The following ZNF469 variants were observed in gnomAD, a reference collection of about 807,000 sequenced individuals.
ZNF469 encodes the protein zinc finger protein 469.
ZNF469 carries 1 observed loss-of-function variant against 1.0 expected under a neutral mutation model. The observed-to-expected ratio is 1.00, with a 90% CI of 0.35 to 4.73. ZNF469 has a LOEUF of 4.73. Among genes scored for constraint, ZNF469 ranks in the 30% most tolerant of loss-of-function variants. ZNF469 has a pLI of 0.16. For synonymous variants in ZNF469, 2,703 were observed against 2,363.4 expected (o/e 1.14, Z -4.17); for missense variants, 6,100 against 5,356.3 (o/e 1.14, Z -4.33).
chr16:88,226,952 G>T, the ZNF469 span, among the ~76,000 whole-genome samples: 83 of 151,946 alleles, frequency 5.5e-4, 1 homozygote, highest in African/African-American at 1.9e-3. Flanking sequence ...AATGCCCTGC[G>T]CGTTTCCACC....
chr16:88,165,023 G>A, the ZNF469 span, among the ~76,000 whole-genome samples: 3 of 152,356 alleles, frequency 2.0e-5, no homozygotes, highest in African/African-American at 7.2e-5. Flanking sequence ...CACAGGTGGT[G>A]TGCCCCTCCA....
chr16:88,143,957 C>T, the ZNF469 span, among the ~76,000 whole-genome samples: 1 of 152,306 alleles, frequency 6.6e-6, no homozygotes, highest in Non-Finnish European at 1.5e-5. Flanking sequence ...CTCTGGGCCT[C>T]CCATCTGCCC....
chr16:88,339,947 CT>C, the ZNF469 span, among the ~76,000 whole-genome samples: 1 of 152,020 alleles, frequency 6.6e-6, no homozygotes, highest in Non-Finnish European at 1.5e-5. Flanking sequence ...CGGGCCACCC[CT>C]GCAGAGGGGA....
At chr16:88,165,673 C>G in the ZNF469 span, among the ~76,000 whole-genome samples, 127,815 of 152,128 alleles carry the variant, frequency 0.84, 56,299 homozygotes, top group Non-Finnish European at 0.98. Context: ...GTACAGTTCT[C>G]TGGGACTCAG....
In ZNF469 at chr16:88,430,258, G is replaced by A; in HGVS notation, c.2788G>A (p.Gly930Ser). ...AGGCAGGCCCAAAACGCGTTCCCTG[G>A]GTCTGGCCCCCACCGAGGCGGATGC... ...ARGRPKTRSL[G>S]LAPTEADAPS... The change falls in exon 3 of 3, where the codon GGT (glycine) becomes AGT (serine). Residue 930 changes from glycine to serine, a missense_variant. Gly to Ser is a moderately conservative substitution (Grantham distance 56). Transcript: ENST00000565624. The A allele has an allele frequency of 1.3e-6, 2 of 1,522,688 alleles. No individual in the cohort carries two copies. Among genetic ancestry groups the A allele is most frequent in the Non-Finnish European group, 8.8e-7 (1 of 1,135,312 alleles). 94.3% of individuals were successfully genotyped at this position (1,522,688 alleles called of 1,614,324 possible).
rs138954293 is a variant in ZNF469, at chr16:88,427,609, G to A, written c.139G>A (p.Gly47Ser). 3.3e-4 allele frequency: 509 copies of A among 1,537,272 alleles called. No homozygotes were observed. The African/African-American group carries it at 6.1e-3, about 18-fold the overall frequency. Residue 47 changes from glycine to serine, a missense_variant, in exon 3 of 3, where the codon GGT (glycine) becomes AGT (serine). By Grantham distance (56) the Gly-to-Ser change is moderately conservative (BLOSUM62 0). Transcript: ENST00000565624. ...CACCCCAGCTACCAGGACCACCAAG[G>A]GTGCCAGGGAGGCTGGCGGCCAGGC... ...DNTPATRTTK[G>S]AREAGGQAQA...
At chr16:88,369,958 C>T in the ZNF469 span, among the ~76,000 whole-genome samples, 484 of 152,366 alleles carry the variant, frequency 3.2e-3, 6 homozygotes, top group African/African-American at 0.011. Flanking sequence ...GCTGAGGCCA[C>T]TGCTTTTAAT....
the ZNF469 span, among the ~76,000 whole-genome samples, chr16:88,311,444 A>G: frequency 6.6e-6 from 1 of 152,206 alleles, no homozygotes; most frequent in Non-Finnish European, 1.5e-5. Context: ...AAAGCCCATG[A>G]CTGTTTCTGC....
At chr16:88,334,568 G>T in the ZNF469 span, among the ~76,000 whole-genome samples, 10 of 152,212 alleles carry the variant, frequency 6.6e-5, no homozygotes, top group Non-Finnish European at 1.0e-4. Context: ...AGCCGGGAGT[G>T]ATTCATCTGT....
the ZNF469 span, among the ~76,000 whole-genome samples, chr16:88,319,003 C>CAGACGGTCCTGACCAGACGGTCAGG: frequency 6.6e-6 from 1 of 152,342 alleles, no homozygotes; most frequent in South Asian, 2.1e-4. Flanking sequence ...CCAGACGGGG[C>CAGACGGTCCTGACCAGACGGTCAGG]ACCCCAGGGC....
At chr16:88,171,412 C>A in the ZNF469 span, among the ~76,000 whole-genome samples, 1 of 152,242 alleles carries the variant, frequency 6.6e-6, no homozygotes, top group Non-Finnish European at 1.5e-5. Flanking sequence ...TAAGAACTTG[C>A]TCCTGATGGT....
rs532215253 is a variant in ZNF469 at position 88,438,159 on chromosome 16, T to C, written c.10689T>C (p.Ala3563=). The part of the protein sequence containing the change: ...PSLSPFPAAL[A]DGRGDCALDG... ...TGTCTCCCTTCCCAGCTGCCTTGGC[T>C]GATGGCAGAGGAGACTGCGCGCTGG... Residue 3563 remains alanine, a synonymous_variant, in exon 3 of 3, where the codon GCT becomes GCC. Transcript: ENST00000565624. 7.7e-6 allele frequency: 12 copies of C among 1,550,178 alleles called. No individual in the cohort carries two copies. The African/African-American group carries it at 1.4e-4, about 18-fold the overall frequency.
the ZNF469 span, among the ~76,000 whole-genome samples, chr16:88,283,095 A>G: frequency 2.0e-5 from 3 of 152,154 alleles, no homozygotes; most frequent in Admixed American, 1.3e-4. Flanking sequence ...CGGCTGCACA[A>G]ATTGTTTATT....
At chr16:88,296,521 C>T in the ZNF469 span, among the ~76,000 whole-genome samples, 2 of 150,008 alleles carry the variant, frequency 1.3e-5, no homozygotes, top group Non-Finnish European at 3.0e-5. Context: ...ACCCTCCCCA[C>T]ACACACACAG....
At chr16:88,159,145 C>T in the ZNF469 span, among the ~76,000 whole-genome samples, 5 of 14,372 alleles carry the variant, frequency 3.5e-4, no homozygotes, top group Non-Finnish European at 2.7e-3. Context: ...GTCCTGGTCA[C>T]GGATGCTCAT....
the ZNF469 span, among the ~76,000 whole-genome samples, chr16:88,233,626 G>A: frequency 6.6e-6 from 1 of 152,214 alleles, no homozygotes; most frequent in Non-Finnish European, 1.5e-5. Context: ...AGGGCCGCCT[G>A]GGCATGAAAC....
At chr16:88,309,424 T>A in the ZNF469 span, among the ~76,000 whole-genome samples, 2 of 144,376 alleles carry the variant, frequency 1.4e-5, no homozygotes, top group African/African-American at 5.3e-5. Context: ...CCCTCTGAGG[T>A]CCCCTCTCGG....
chr16:88,395,803 G>A (rs2142268484), intron 1 of ZNF469, among the ~76,000 whole-genome samples: 1 of 152,300 alleles, frequency 6.6e-6, no homozygotes, highest in Middle Eastern at 3.4e-3. Context: ...CACCATGCGG[G>A]GTGCACATGG....
chr16:88,368,771 C>T, the ZNF469 span, among the ~76,000 whole-genome samples: 3 of 152,064 alleles, frequency 2.0e-5, no homozygotes, highest in Non-Finnish European at 4.4e-5. Context: ...AGCAGTGCCA[C>T]CAGCTCACTG....
Sources: gnomAD v4.1 joint callset for allele counts (sites outside exome capture counted in the v4.1 genomes callset) on GRCh38, gnomAD v4.1.1 for gene constraint, MANE v1.5 for transcripts, NCBI Gene and HGNC (gene_info 2026-07-23, HGNC 2026-07-21) for gene names.